RNF220: variants seen among roughly 807,000 people sequenced by gnomAD.
RNF220 encodes the protein ring finger protein 220.
In RNF220, 7 loss-of-function variants were observed where a neutral mutation model predicts 67.1. The ratio of observed to expected loss-of-function variants is 0.10; its 90% confidence interval spans 0.06 to 0.20. The LOEUF (loss-of-function observed/expected upper bound fraction) is 0.20. Ranked by LOEUF, RNF220 falls within the 10% of genes least tolerant of loss-of-function variation. The pLI is 1.00. For synonymous variants in RNF220, 270 were observed against 283.2 expected, an observed-to-expected ratio of 0.95 and a Z score of 0.47; for missense variants, 565 against 740.3, an observed-to-expected ratio of 0.76 and a Z score of 2.75.
chr1:44,509,416 G>T (rs1189297051), intron 2 of RNF220, among the ~76,000 whole-genome samples: 1 of 152,078 alleles, frequency 6.6e-6, no homozygotes, highest in South Asian at 2.1e-4. Flanking sequence ...CAGGCGTGGT[G>T]GTGGGCGCCT....
rs1455841878 is a variant in RNF220, at chr1:44,624,497, C to T, written c.804+1710C>T. The stretch of plus-strand genomic sequence containing the variant: ...AAACCACAGACACAGGCATACTGAC[C>T]ATGAGACACAGAGATAAGGGACACT... On this transcript the variant is annotated intron_variant, in intron 4 of 14. Transcript: ENST00000361799. The surrounding 1 kb of genome is among the most constrained non-coding windows in gnomAD (Gnocchi z 4.2). Among the ~76,000 whole-genome samples, 1 of 152,180 alleles carries T rather than the reference C, an allele frequency of 6.6e-6. No individual in the cohort carries two copies. The highest frequency in any genetic ancestry group is 1.5e-5 in the Non-Finnish European group (1 of 68,036).
chr1:44,454,817 C>T (rs1308767588), intron 2 of RNF220, among the ~76,000 whole-genome samples: 4 of 152,114 alleles, frequency 2.6e-5, no homozygotes, highest in Admixed American at 6.6e-5. Context: ...TCCCTTCATT[C>T]CCCTTTGTAG....
chr1:44,591,389 C>A (rs962517394), intron 2 of RNF220, among the ~76,000 whole-genome samples: 4 of 152,234 alleles, frequency 2.6e-5, no homozygotes, highest in African/African-American at 4.8e-5. Flanking sequence ...CCCTTGCAGG[C>A]CTTGCTAAGG....
chr1:44,591,181 G>C (rs1482353418), intron 2 of RNF220, among the ~76,000 whole-genome samples: 3 of 152,178 alleles, frequency 2.0e-5, no homozygotes, highest in Non-Finnish European at 2.9e-5. Flanking sequence ...TCGAACTCCT[G>C]ACCTCAGATG....
chr1:44,443,065 A>G (rs1651726534), intron 2 of RNF220, among the ~76,000 whole-genome samples: 1 of 152,178 alleles, frequency 6.6e-6, no homozygotes, highest in Admixed American at 6.5e-5. Context: ...TGAGACCTAG[A>G]TATTGAATCA....
intron 2 of RNF220, among the ~76,000 whole-genome samples, chr1:44,569,045 C>G (rs892264699): frequency 6.6e-6 from 1 of 152,152 alleles, no homozygotes; most frequent in Non-Finnish European, 1.5e-5. Flanking sequence ...CCTTCCAGCC[C>G]TTTAAACAGA....
chr1:44,631,390 T>G (rs1426509265), intron 5 of RNF220, among the ~76,000 whole-genome samples: 3 of 152,204 alleles, frequency 2.0e-5, no homozygotes, highest in Non-Finnish European at 4.4e-5. Flanking sequence ...CCAGGACGAC[T>G]CTCAACTTTC....
At chr1:44,533,140 G>A (rs1024829355) in intron 2 of RNF220, among the ~76,000 whole-genome samples, 7 of 152,218 alleles carry the variant, frequency 4.6e-5, no homozygotes, top group African/African-American at 1.4e-4. Context: ...TCCTAAAGGG[G>A]AGAGTAAACG....
At chr1:44,535,094 T>C (rs967314355) in intron 2 of RNF220, among the ~76,000 whole-genome samples, 1 of 151,806 alleles carries the variant, frequency 6.6e-6, no homozygotes, top group Non-Finnish European at 1.5e-5. Flanking sequence ...CTTCATTACA[T>C]TTCCTTCTGT....
rs187324115 is a variant in RNF220 at position 44,551,723 on chromosome 1, T to C, written c.626-62442T>C. Among the ~76,000 whole-genome samples the C allele has an allele frequency of 2.7e-3, 415 of 152,296 alleles. 3 individuals are homozygous for C. Among genetic ancestry groups the C allele is most frequent in the African/African-American group, 9.2e-3 (381 of 41,546 alleles). ...CTGCATTATGGTAGCAACCTCCCATTGGTCTCCCCACCTCCAATTCACCTT... is the reference window on the plus strand; with the variant it reads ...CTGCATTATGGTAGCAACCTCCCATCGGTCTCCCCACCTCCAATTCACCTT... On this transcript the variant is annotated intron_variant, in intron 2 of 14. Coordinates refer to ENST00000361799, the MANE Select transcript of RNF220 (RefSeq NM_018150.4).
intron 2 of RNF220, among the ~76,000 whole-genome samples, chr1:44,477,261 T>C (rs766432621): frequency 4.6e-5 from 7 of 152,232 alleles, no homozygotes; most frequent in Non-Finnish European, 8.8e-5. Context: ...TAAATGAACA[T>C]GGTCCCTTCC....
intron 2 of RNF220, among the ~76,000 whole-genome samples, chr1:44,540,393 C>T (rs752763051): frequency 6.6e-6 from 1 of 152,152 alleles, no homozygotes. Flanking sequence ...TTTTGTAAAG[C>T]GTTGAACTGT....
chr1:44,570,267 A>G (rs1008442582), intron 2 of RNF220, among the ~76,000 whole-genome samples: 1 of 152,100 alleles, frequency 6.6e-6, no homozygotes, highest in African/African-American at 2.4e-5. Context: ...ACCTTCCATG[A>G]CGCCTTTACT....
intron 2 of RNF220, among the ~76,000 whole-genome samples, chr1:44,488,625 T>G (rs1656559028): frequency 6.6e-6 from 1 of 151,994 alleles, no homozygotes; most frequent in Admixed American, 6.6e-5. Flanking sequence ...TGCACTGTGC[T>G]CTATAGTAAG....
intron 2 of RNF220, among the ~76,000 whole-genome samples, chr1:44,508,009 G>A (rs1658599556): frequency 6.6e-6 from 1 of 152,150 alleles, no homozygotes; most frequent in Non-Finnish European, 1.5e-5. Context: ...ATCTGTGCTG[G>A]GGTAGGATCC....
intron 2 of RNF220, among the ~76,000 whole-genome samples, chr1:44,552,491 G>C (rs1298783572): frequency 1.4e-5 from 2 of 147,886 alleles, no homozygotes; most frequent in Non-Finnish European, 3.0e-5. Context: ...GCAAGACCTT[G>C]TCTCAAAAAA....
intron 2 of RNF220, among the ~76,000 whole-genome samples, chr1:44,422,996 C>A (rs1274469838): frequency 1.3e-5 from 2 of 152,154 alleles, no homozygotes; most frequent in Non-Finnish European, 1.5e-5. Context: ...AGGCACCATG[C>A]GAGGTACTGG....
In RNF220 at chr1:44,649,501, G is replaced by T. The variant is rs915130667; in HGVS notation, c.1446-160G>T. On this transcript the variant is annotated intron_variant, in intron 12 of 14. Transcript: ENST00000361799. This position sits in a 1 kb window ranked among gnomAD's most constrained non-coding sequence, Gnocchi z 5.9. ...AGAGAGGGTGAGGAGTTTAGTTCTGGAATGTGGAATTTGCAGATTCAGGTT... is the reference window on the plus strand; with the variant it reads ...AGAGAGGGTGAGGAGTTTAGTTCTGTAATGTGGAATTTGCAGATTCAGGTT... The T allele has an allele frequency of 1.5e-5, 10 of 659,180 alleles. No individual in the cohort carries two copies. In the African/African-American group the frequency reaches 1.8e-4, roughly 12 times the overall value. 40.8% of individuals were successfully genotyped at this position (659,180 alleles called of 1,614,324 possible).
Position 44,649,987 on chromosome 1 carries a change from A to T in RNF220, c.1629+30A>T, listed in dbSNP as rs371936160. 14 of 1,608,264 alleles carry T rather than the reference A, an allele frequency of 8.7e-6. No homozygotes were observed. In the African/African-American group the frequency reaches 1.9e-4, roughly 21 times the overall value. ...GGTGGCATGGGGGTCGGGGAATGGGAGGCCGCTCCGGGCACTGCCCAGATG... is the reference window on the plus strand; with the variant it reads ...GGTGGCATGGGGGTCGGGGAATGGGTGGCCGCTCCGGGCACTGCCCAGATG... On this transcript the variant is annotated intron_variant, in intron 14 of 14. Transcript: ENST00000361799. This position sits in a 1 kb window ranked among gnomAD's most constrained non-coding sequence, Gnocchi z 5.9.
Sources: allele counts gnomAD v4.1 joint callset (sites outside exome capture counted in the v4.1 genomes callset), GRCh38; gene constraint gnomAD v4.1.1; non-coding constraint Gnocchi (gnomAD v3.1); transcripts MANE v1.5; gene names NCBI Gene and HGNC (gene_info 2026-07-23, HGNC 2026-07-21).